DNAH7: variants seen among roughly 807,000 people sequenced by gnomAD.
DNAH7 encodes the protein axonemal beta dynein heavy chain 7.
DNAH7 carries 397 observed loss-of-function variants against 444.6 expected under a neutral mutation model. That is an observed-to-expected ratio of 0.89 (90% CI 0.82 to 0.97). DNAH7 has a LOEUF of 0.97. DNAH7 is among the 50% of genes least tolerant of loss of function. DNAH7 has a pLI of 0.00. For synonymous variants in DNAH7, 1,636 were observed against 1,624.4 expected (o/e 1.01, Z -0.17); for missense variants, 4,902 against 4,800.8 (o/e 1.02, Z -0.62).
chr2:195,961,434 C>T (rs889807829), intron 17 of DNAH7, among the ~76,000 whole-genome samples: 2 of 152,174 alleles, frequency 1.3e-5, no homozygotes, highest in Non-Finnish European at 2.9e-5. Context: ...TCATTCTACT[C>T]TCTGCTTCTA....
chr2:195,809,777 G>T lies in DNAH7; in HGVS notation c.9856C>A (p.Leu3286Ile). ...EKDKLLFSFC[L>I]TINLLLHERA... The stretch of plus-strand genomic sequence containing the variant: ...TCATGCAGCAGTAGATTTATGGTTA[G>T]ACAAAAGGAAAAGAGCAGCTTATCC... The change falls in exon 52 of 65, where the codon CTA becomes ATA. Residue 3286 changes from leucine to isoleucine, a missense_variant. Transcript: ENST00000312428. The T allele has an allele frequency of 5.0e-6, 8 of 1,598,458 alleles. No individual in the cohort carries two copies. Among genetic ancestry groups the T allele is most frequent in the Non-Finnish European group, 6.8e-6 (8 of 1,171,818 alleles).
At chr2:196,050,392 G>A (rs1697390247) in intron 3 of DNAH7, among the ~76,000 whole-genome samples, 1 of 152,132 alleles carries the variant, frequency 6.6e-6, no homozygotes, top group Non-Finnish European at 1.5e-5. Flanking sequence ...TGTTTAGTCA[G>A]ATGAAAAGAG....
chr2:195,824,910 T>A (rs765854067), intron 48 of DNAH7: 1 of 152,646 alleles, frequency 6.6e-6, no homozygotes, highest in Non-Finnish European at 1.5e-5. Flanking sequence ...CCTAATTAGA[T>A]TTGCTTAATT....
At chr2:195,994,653 G>T in intron 12 of DNAH7, 1 of 512,768 alleles carries the variant, frequency 2.0e-6, no homozygotes, top group Non-Finnish European at 3.9e-6. Flanking sequence ...GCTCTCTATT[G>T]AGTAAAGTGC....
At chr2:195,997,401 A>G (rs918445929) in intron 12 of DNAH7, among the ~76,000 whole-genome samples, 1 of 152,044 alleles carries the variant, frequency 6.6e-6, no homozygotes, top group African/African-American at 2.4e-5. Context: ...AGTCCCAGCT[A>G]CTCGCGGGGA....
At chr2:195,912,646 G>A (rs961803195) in intron 24 of DNAH7, among the ~76,000 whole-genome samples, 10 of 152,172 alleles carry the variant, frequency 6.6e-5, no homozygotes, top group African/African-American at 1.9e-4. Context: ...TAAGGAACCC[G>A]CATAAACATC....
At chr2:196,010,999 G>C (rs1374034818) in intron 10 of DNAH7, among the ~76,000 whole-genome samples, 1 of 152,118 alleles carries the variant, frequency 6.6e-6, no homozygotes, top group Non-Finnish European at 1.5e-5. Context: ...AGAGAAGCTA[G>C]GAAGGGCAGG....
chr2:195,786,935 C>T (rs2105973382), intron 58 of DNAH7, 75 bp downstream of exon 58: 1 of 1,409,908 alleles, frequency 7.1e-7, no homozygotes, highest in Non-Finnish European at 9.4e-7. Context: ...ATCAGAAGTG[C>T]CCACTTACTA....
chr2:195,898,850 T>C (rs1005219731), intron 28 of DNAH7, among the ~76,000 whole-genome samples: 1 of 152,256 alleles, frequency 6.6e-6, no homozygotes, highest in Non-Finnish European at 1.5e-5. Flanking sequence ...TCTTAACTTG[T>C]TACTCATACC....
chr2:195,932,579 A>T lies in DNAH7; in HGVS notation c.3471+2012T>A, dbSNP rs571163889. Among the ~76,000 whole-genome samples the T allele has an allele frequency of 4.6e-5, 7 of 152,084 alleles. No individual in the cohort carries two copies. The East Asian group carries it at 1.2e-3, about 25-fold the overall frequency. ...GTCATAGAGAGCTCTTATTGATGGG[A>T]TGATATACATCCCATCAATACCTAA... On this transcript the variant is annotated intron_variant, in intron 21 of 64. Coordinates refer to ENST00000312428, the MANE Select transcript of DNAH7 (RefSeq NM_018897.3).
chr2:195,815,690 T>C (rs1697183425), intron 51 of DNAH7, among the ~76,000 whole-genome samples: 1 of 152,212 alleles, frequency 6.6e-6, no homozygotes, highest in African/African-American at 2.4e-5. Context: ...AAAAAGTAAC[T>C]ACACATTAAA....
At chr2:196,014,892 C>T (rs543646375) in intron 9 of DNAH7, among the ~76,000 whole-genome samples, 63 of 152,238 alleles carry the variant, frequency 4.1e-4, no homozygotes, top group African/African-American at 1.4e-3. Context: ...TTCATATTAA[C>T]ACATCGAGAT....
At chr2:195,881,773 C>T (rs341953) in intron 36 of DNAH7, 22 bp downstream of exon 36, 113 of 1,601,928 alleles carry the variant, frequency 7.1e-5, no homozygotes, top group East Asian at 4.0e-4. Context: ...CAGTTTAATA[C>T]GCAGATTTCT....
In DNAH7 at chr2:195,817,872, T is replaced by C. The variant is rs780358396; in HGVS notation, c.9292-43A>G. ...TACAAAAATTACATCATTATTTCTG[T>C]TAAAAAGTCTCTGCTTTTATGTGTC... On this transcript the variant is annotated intron_variant, in intron 49 of 64. Transcript: ENST00000312428. 2.1e-6 allele frequency: 3 copies of C among 1,445,330 alleles called. No individual in the cohort carries two copies. In the Admixed American group the frequency reaches 7.0e-5, roughly 34 times the overall value. 89.5% of individuals were successfully genotyped at this position (1,445,330 alleles called of 1,614,324 possible). A position where few individuals can be genotyped will look rare whatever the true frequency, so the allele number is the denominator to read the frequency against.
At chr2:195,868,018 T>G (rs539229220) in intron 40 of DNAH7, among the ~76,000 whole-genome samples, 1 of 152,002 alleles carries the variant, frequency 6.6e-6, no homozygotes, top group Non-Finnish European at 1.5e-5. Flanking sequence ...TTTTCTATAT[T>G]ACATTACTGC....
At chr2:195,945,023 G>T (rs1036346131) in intron 19 of DNAH7, among the ~76,000 whole-genome samples, 10 of 151,500 alleles carry the variant, frequency 6.6e-5, no homozygotes, top group African/African-American at 2.2e-4. Flanking sequence ...CTGCATACCA[G>T]ATACTCCTAG....
intron 17 of DNAH7, among the ~76,000 whole-genome samples, chr2:195,966,759 T>C (rs1361460429): frequency 1.3e-5 from 2 of 152,318 alleles, no homozygotes; most frequent in South Asian, 2.1e-4. Flanking sequence ...ACAAGCATTG[T>C]TACTCCTGGT....
At chr2:195,810,084 T>C (rs190198594) in intron 51 of DNAH7, among the ~76,000 whole-genome samples, 1 of 152,234 alleles carries the variant, frequency 6.6e-6, no homozygotes, top group Non-Finnish European at 1.5e-5. Flanking sequence ...CTGAGTTTTT[T>C]TTTTTTAAAA....
At chr2:195,823,607 G>C (rs561606171) in intron 49 of DNAH7, among the ~76,000 whole-genome samples, 4 of 151,974 alleles carry the variant, frequency 2.6e-5, no homozygotes, top group African/African-American at 9.7e-5. Flanking sequence ...TCTCCTGCTT[G>C]CCTCTGTAAA....
Sources: gnomAD v4.1 joint callset for allele counts (sites outside exome capture counted in the v4.1 genomes callset) on GRCh38, gnomAD v4.1.1 for gene constraint, MANE v1.5 for transcripts, NCBI Gene and HGNC (gene_info 2026-07-23, HGNC 2026-07-21) for gene names.